DPYSL3: variants seen among roughly 807,000 people sequenced by gnomAD.
DPYSL3 encodes dihydropyrimidinase like 3, also known as dihydropyrimidinase-related protein 3.
A neutral mutation model predicts 66.1 loss-of-function variants in DPYSL3; 16 were observed. The observed-to-expected ratio is 0.24, with a 90% CI of 0.16 to 0.37. The LOEUF (loss-of-function observed/expected upper bound fraction) is 0.37. Ranked by LOEUF, DPYSL3 falls within the 10% of genes least tolerant of loss-of-function variation. DPYSL3 has a pLI of 1.00. For missense variants in DPYSL3, 738 were observed against 916.2 expected (o/e 0.81, Z 2.51); for synonymous variants, 338 against 345.1 (o/e 0.98, Z 0.23).
chr5:147,503,020 C>A (rs935272063), intron 1 of DPYSL3, among the ~76,000 whole-genome samples: 1 of 152,218 alleles, frequency 6.6e-6, no homozygotes, highest in Non-Finnish European at 1.5e-5. Flanking sequence ...AGCACCTGGT[C>A]TGTAGCCTCA....
chr5:147,409,382 A>G (rs962074544), intron 6 of DPYSL3, among the ~76,000 whole-genome samples: 6 of 152,228 alleles, frequency 3.9e-5, no homozygotes, highest in Admixed American at 2.6e-4. Flanking sequence ...GTCAGGTTGA[A>G]TCCTAGAAAT....
chr5:147,505,295 C>T (rs961550743), intron 1 of DPYSL3, among the ~76,000 whole-genome samples: 37 of 151,642 alleles, frequency 2.4e-4, no homozygotes, highest in Non-Finnish European at 3.8e-4. Flanking sequence ...AGTGCCATGG[C>T]GTGATCTTGG....
chr5:147,397,196 A>ATG (rs2152015233), intron 12 of DPYSL3, among the ~76,000 whole-genome samples: 1 of 145,556 alleles, frequency 6.9e-6, no homozygotes, highest in East Asian at 2.0e-4. Flanking sequence ...ATATACACAC[A>ATG]TATCTCTGTG....
At chr5:147,421,134 A>C (rs751702826) in intron 2 of DPYSL3, among the ~76,000 whole-genome samples, 1 of 152,234 alleles carries the variant, frequency 6.6e-6, no homozygotes, top group Non-Finnish European at 1.5e-5. Flanking sequence ...TCAGCCCAAA[A>C]ACTCCTTAAG....
chr5:147,453,067 C>T (rs1194188567), intron 1 of DPYSL3, among the ~76,000 whole-genome samples: 1 of 152,092 alleles, frequency 6.6e-6, no homozygotes, highest in Non-Finnish European at 1.5e-5. Context: ...ACCCTCGCGG[C>T]GCAGGGGTCA....
Position 147,392,812 on chromosome 5 carries a change from G to A in DPYSL3, c.*1223C>T, listed in dbSNP as rs779874606. ...CTGCTAATGGAAGGGGAAACAGGTG[G>A]TTTGGAATGGAAAGGTGGAACCAGG... On this transcript the variant is annotated 3_prime_UTR_variant, in exon 14 of 14. Coordinates refer to ENST00000343218, the MANE Select transcript of DPYSL3 (RefSeq NM_001197294.2). 3.3e-5 allele frequency: 5 copies of A among 152,208 alleles called. No individual in the cohort carries two copies. The highest frequency in any genetic ancestry group is 4.8e-5 in the African/African-American group (2 of 41,448). The allele number at this position is 152,208 out of a possible 1,614,324, so 9.4% of individuals were successfully genotyped here.
chr5:147,404,677 G>T (rs922989492), intron 8 of DPYSL3, among the ~76,000 whole-genome samples: 11 of 152,180 alleles, frequency 7.2e-5, no homozygotes, highest in African/African-American at 2.4e-4. Context: ...AAACAGAAAA[G>T]AAAGCTCTGA....
At chr5:147,438,815 A>C (rs988339275) in intron 1 of DPYSL3, among the ~76,000 whole-genome samples, 1 of 152,254 alleles carries the variant, frequency 6.6e-6, no homozygotes, top group African/African-American at 2.4e-5. Context: ...AAAAAATAGC[A>C]AACAAGTTAT....
At chr5:147,476,101 A>G (rs1753151204) in intron 1 of DPYSL3, among the ~76,000 whole-genome samples, 1 of 152,182 alleles carries the variant, frequency 6.6e-6, no homozygotes, top group African/African-American at 2.4e-5. Flanking sequence ...TCATATAGCA[A>G]GTAAGTGGTA....
rs1757859971 is a variant in DPYSL3 at position 147,393,028 on chromosome 5, G to C, written c.*1007C>G. Reference sequence around the variant, plus strand: ...AATCAAACACAAACTGCCTGTAAGAGAGGCCCTTCATTCTGCCTCATCTGA... The same window carrying C: ...AATCAAACACAAACTGCCTGTAAGACAGGCCCTTCATTCTGCCTCATCTGA... On this transcript the variant is annotated 3_prime_UTR_variant, in exon 14 of 14. Transcript: ENST00000343218. 1 of 152,206 alleles carries C rather than the reference G, an allele frequency of 6.6e-6. No individual in the cohort carries two copies. The highest frequency in any genetic ancestry group is 1.5e-5 in the Non-Finnish European group (1 of 68,042). 9.4% of individuals were successfully genotyped at this position (152,206 alleles called of 1,614,324 possible).
intron 6 of DPYSL3, among the ~76,000 whole-genome samples, chr5:147,412,397 G>A (rs533403659): frequency 6.6e-6 from 1 of 152,252 alleles, no homozygotes; most frequent in African/African-American, 2.4e-5. Context: ...CCCTCTTTCT[G>A]TTTTACCTCA....
At chr5:147,482,246 T>A (rs1211411361) in intron 1 of DPYSL3, among the ~76,000 whole-genome samples, 1 of 152,168 alleles carries the variant, frequency 6.6e-6, no homozygotes, top group African/African-American at 2.4e-5. Context: ...TCAGTTTGGA[T>A]CTCATAAAAC....
At chr5:147,475,230 T>A (rs576503934) in intron 1 of DPYSL3, among the ~76,000 whole-genome samples, 3 of 152,106 alleles carry the variant, frequency 2.0e-5, no homozygotes, top group Non-Finnish European at 2.9e-5. Context: ...GATATCTGAA[T>A]AAGGCCCTGC....
Position 147,509,715 on chromosome 5 carries a change from C to G in DPYSL3, c.144G>C (p.Lys48Asn), listed in dbSNP as rs1241228309. 1 of 1,536,006 alleles carries G rather than the reference C, an allele frequency of 6.5e-7. No homozygotes were observed. Among genetic ancestry groups the G allele is most frequent in the Non-Finnish European group, 8.7e-7 (1 of 1,146,802 alleles). The change falls in exon 1 of 14, where the codon AAG (lysine) becomes AAC (asparagine). Residue 48 changes from lysine to asparagine, a missense_variant. Physicochemically the swap from Lys to Asn is moderately conservative, Grantham distance 94. Coordinates refer to ENST00000343218, the MANE Select transcript of DPYSL3 (RefSeq NM_001197294.2). This position sits in a 1 kb window ranked among gnomAD's most constrained non-coding sequence, Gnocchi z 5.3. The part of the protein sequence containing the change: ...FCNVEGAFES[K>N]TLDFDALSVG... ...CGCTGAGGGCATCGAAATCCAGCGT[C>G]TTGCTCTCGAAGGCGCCCTCCACGT...
intron 6 of DPYSL3, among the ~76,000 whole-genome samples, chr5:147,411,804 GT>G (rs758373858): frequency 2.6e-5 from 4 of 152,184 alleles, no homozygotes; most frequent in Non-Finnish European, 5.9e-5. Context: ...GAATGCATCT[GT>G]TTTGGCTCAC....
At chr5:147,395,525 T>G in intron 13 of DPYSL3, 34 bp downstream of exon 13, 1 of 1,583,956 alleles carries the variant, frequency 6.3e-7, no homozygotes, top group Non-Finnish European at 8.6e-7. Flanking sequence ...CCCTTCCCCC[T>G]TCTCTTATCT....
intron 5 of DPYSL3, 120 bp downstream of exon 5, chr5:147,413,476 A>G (rs1751896917): frequency 1.3e-6 from 1 of 760,510 alleles, no homozygotes; most frequent in Non-Finnish European, 2.2e-6. Context: ...TTCAAGAAGC[A>G]TTCTGGCCCA....
intron 2 of DPYSL3, among the ~76,000 whole-genome samples, chr5:147,423,207 G>T (rs6867744): frequency 0.024 from 3,726 of 152,184 alleles, 152 homozygotes; most frequent in African/African-American, 0.086. Context: ...AGAAATTATT[G>T]TCATATATTT....
At chr5:147,502,221 C>G (rs1232157075) in intron 1 of DPYSL3, among the ~76,000 whole-genome samples, 1 of 152,084 alleles carries the variant, frequency 6.6e-6, no homozygotes, top group Non-Finnish European at 1.5e-5. Context: ...GCACCACGCT[C>G]ATGACCAAAT....
Sources: gnomAD v4.1 joint callset for allele counts (sites outside exome capture counted in the v4.1 genomes callset) on GRCh38, gnomAD v4.1.1 for gene constraint, Gnocchi (gnomAD v3.1) non-coding constraint, MANE v1.5 for transcripts, NCBI Gene and HGNC (gene_info 2026-07-23, HGNC 2026-07-21) for gene names.